The following COL9A1 variants were observed in gnomAD, a reference collection of about 807,000 sequenced individuals.
COL9A1 encodes the protein collagen alpha-1(IX) chain.
Under a neutral mutation model 142.6 loss-of-function variants are expected in COL9A1, and 104 were observed. That is an observed-to-expected ratio of 0.73 (90% CI 0.62 to 0.86). The LOEUF is 0.86. Ranked by LOEUF, COL9A1 falls within the 40% of genes least tolerant of loss-of-function variation. The pLI, the probability that COL9A1 is intolerant of heterozygous loss-of-function variation, is 0.00. For synonymous variants in COL9A1, 466 were observed against 396.0 expected (o/e 1.18, Z -2.10); for missense variants, 1,210 against 1,176.6 (o/e 1.03, Z -0.42).
intron 10 of COL9A1, among the ~76,000 whole-genome samples, chr6:70,276,881 C>A (rs1772797646): frequency 6.6e-6 from 1 of 152,216 alleles, no homozygotes; most frequent in Non-Finnish European, 1.5e-5. Flanking sequence ...GTTCTAGACG[C>A]TGTTCCTCAT....
intron 18 of COL9A1, 70 bp from the exon 19 acceptor site, chr6:70,263,367 TG>T (rs780312938): frequency 4.7e-5 from 65 of 1,369,036 alleles, no homozygotes; most frequent in Non-Finnish European, 6.0e-5. Flanking sequence ...GAAATAGGCT[TG>T]GTCTAACTCA....
chr6:70,254,510 C>T lies in COL9A1; in HGVS notation c.1685G>A (p.Gly562Glu). ...CTGCAATCCTGCATCACCAGGAGGC[C>T]CAGGTTTTCCTGGTTCACCCTGCAA... ...PGTKGEPGKP[G>E]PPGDAGLQGL... The change falls in exon 25 of 38, where the codon GGG (glycine) becomes GAG (glutamate). Residue 562 changes from glycine (G) to glutamate (E), a missense_variant. Coordinates refer to ENST00000357250, the MANE Select transcript of COL9A1 (RefSeq NM_001851.6). 1 of 1,613,982 alleles carries T rather than the reference C, an allele frequency of 6.2e-7. No homozygotes were observed. The highest frequency in any genetic ancestry group is 8.5e-7 in the Non-Finnish European group (1 of 1,179,976).
intron 14 of COL9A1, 49 bp from the exon 15 acceptor site, chr6:70,270,416 A>T (rs374919664): frequency 1.2e-5 from 18 of 1,552,964 alleles, no homozygotes; most frequent in Admixed American, 1.7e-5. Context: ...GTGTCAAAAC[A>T]CAGTACATAA....
chr6:70,254,797 T>C, intron 24 of COL9A1, 166 bp downstream of exon 24: 1 of 745,322 alleles, frequency 1.3e-6, no homozygotes, highest in Non-Finnish European at 2.3e-6. Context: ...ATTATACTAT[T>C]CTAGTAAGTA....
chr6:70,289,435 T>A (rs1252232198), intron 5 of COL9A1, among the ~76,000 whole-genome samples: 1 of 152,170 alleles, frequency 6.6e-6, no homozygotes, highest in African/African-American at 2.4e-5. Context: ...AATCATGGCT[T>A]CTGCTGTGTC....
chr6:70,294,380 A>T lies in COL9A1; in HGVS notation c.483T>A (p.Asp161Glu). 1.9e-6 allele frequency: 3 copies of T among 1,614,114 alleles called. No individual in the cohort carries two copies. The highest frequency in any genetic ancestry group is 2.5e-6 in the Non-Finnish European group (3 of 1,179,976). Residue 161 changes from aspartate (D) to glutamate (E), a missense_variant, in exon 5 of 38, where the codon GAT (aspartate) becomes GAA (glutamate). Transcript: ENST00000357250. Reference sequence around the variant, plus strand: ...AAAAGGCTGCTGTTTGGAGACTTCCATCCAGTCCCTTGTATGAAAATACAA... The same window carrying T: ...AAAAGGCTGCTGTTTGGAGACTTCCTTCCAGTCCCTTGTATGAAAATACAA... ...QSVVFSYKGL[D>E]GSLQTAAFSN...
At chr6:70,278,457 A>C (rs1772909495) in intron 10 of COL9A1, among the ~76,000 whole-genome samples, 1 of 152,250 alleles carries the variant, frequency 6.6e-6, no homozygotes, top group Non-Finnish European at 1.5e-5. Flanking sequence ...GTTGGTTAAA[A>C]GAAATGTTTG....
intron 28 of COL9A1, among the ~76,000 whole-genome samples, chr6:70,247,260 A>C (rs987167161): frequency 1.3e-5 from 2 of 152,244 alleles, no homozygotes; most frequent in Non-Finnish European, 2.9e-5. Flanking sequence ...TTTTGTAAAA[A>C]TTATTTCCAT....
At position 70,294,493 on chromosome 6, in the gene COL9A1, G is replaced by A; in HGVS notation, c.370C>T (p.Leu124Phe). 1 of 1,614,082 alleles carries A rather than the reference G, an allele frequency of 6.2e-7. No homozygotes were observed. Among genetic ancestry groups the A allele is most frequent in the South Asian group, 1.1e-5 (1 of 91,082 alleles). The change falls in exon 5 of 38, where the codon CTC (leucine) becomes TTC (phenylalanine). Residue 124 changes from leucine (L) to phenylalanine (F), a missense_variant. Coordinates refer to ENST00000357250, the MANE Select transcript of COL9A1 (RefSeq NM_001851.6). ...TGCCAAATGTTCCAGTTCTTTTTGA[G>A]AGTGCTTCCAGTCATTCGAAACGTC... Reference protein sequence around the residue: ...LTTFRMTGSTLKKNWNIWQIQ... With the variant: ...LTTFRMTGSTFKKNWNIWQIQ...
At position 70,281,390 on chromosome 6, in the gene COL9A1, G is replaced by GTCGATGCCA; in HGVS notation, c.867_875dup (p.Ile291_Gly293dup). 6.2e-7 allele frequency: 1 copy of GTCGATGCCA among 1,613,176 alleles called. No individual in the cohort carries two copies. The highest frequency in any genetic ancestry group is 8.5e-7 in the Non-Finnish European group (1 of 1,179,550). On this transcript the variant is annotated inframe_insertion and splice_region_variant, in exon 8 of 38. Transcript: ENST00000357250. Reference sequence around the variant, plus strand: ...AGGTGGCCTGGAGATAGAAACTTACGTCGATGCCATCGATGCCTGGAACTC... The same window carrying GTCGATGCCA: ...AGGTGGCCTGGAGATAGAAACTTACGTCGATGCCATCGATGCCATCGATGCCTGGAACTC...
chr6:70,297,463 T>C (rs1021297956), intron 4 of COL9A1, among the ~76,000 whole-genome samples: 17 of 152,234 alleles, frequency 1.1e-4, no homozygotes, highest in Non-Finnish European at 2.4e-4. Flanking sequence ...TAATAAAATA[T>C]ATATGTAGTT....
chr6:70,255,892 T>A (rs992404826), intron 21 of COL9A1, among the ~76,000 whole-genome samples: 2 of 152,258 alleles, frequency 1.3e-5, no homozygotes, highest in African/African-American at 4.8e-5. Context: ...AATATAGCTT[T>A]TGTTGAGTTG....
chr6:70,239,123 A>C, intron 33 of COL9A1, 131 bp downstream of exon 33: 1 of 659,778 alleles, frequency 1.5e-6, no homozygotes, highest in East Asian at 2.9e-5. Context: ...TGGGCGACAG[A>C]GTGAGACTCC....
chr6:70,294,459 T>A lies in COL9A1; in HGVS notation c.404A>T (p.Asp135Val). The A allele has an allele frequency of 1.2e-6, 2 of 1,614,138 alleles. No individual in the cohort carries two copies. The highest frequency in any genetic ancestry group is 1.7e-6 in the Non-Finnish European group (2 of 1,179,992). The change falls in exon 5 of 38, where the codon GAT (aspartate) becomes GTT (valine). Residue 135 changes from aspartate to valine, a missense_variant. By Grantham distance (152) the Asp-to-Val change is radical. Transcript: ENST00000357250. The part of the protein sequence containing the change: ...KKNWNIWQIQ[D>V]SSGKEQVGIK... Reference sequence around the variant, plus strand: ...GCCAACTTGCTCCTTCCCAGAGGAATCCTGAATCTGCCAAATGTTCCAGTT... The same window carrying A: ...GCCAACTTGCTCCTTCCCAGAGGAAACCTGAATCTGCCAAATGTTCCAGTT...
intron 10 of COL9A1, chr6:70,279,457 T>G (rs1165000487): frequency 6.6e-6 from 1 of 152,076 alleles, no homozygotes; most frequent in African/African-American, 2.4e-5. Context: ...TAAAATACTA[T>G]GGGTGAAACC....
chr6:70,231,679 C>T (rs1176907188), intron 36 of COL9A1, among the ~76,000 whole-genome samples: 1 of 151,216 alleles, frequency 6.6e-6, no homozygotes, highest in African/African-American at 2.4e-5. Context: ...CCATTCATAC[C>T]ACAGTATTTA....
At chr6:70,248,825 C>A (rs943094702) in intron 28 of COL9A1, among the ~76,000 whole-genome samples, 23 of 152,282 alleles carry the variant, frequency 1.5e-4, no homozygotes, top group African/African-American at 5.5e-4. Context: ...TGACTGGCAC[C>A]TTCTGCAGTT....
intron 30 of COL9A1, 74 bp downstream of exon 30, chr6:70,241,890 G>T: frequency 7.3e-7 from 1 of 1,361,472 alleles, no homozygotes; most frequent in Non-Finnish European, 1.0e-6. Flanking sequence ...AGGGCCAAAA[G>T]CAAGCTTTGT....
At chr6:70,272,037 T>C (rs1241559566) in intron 13 of COL9A1, 28 bp downstream of exon 13, 2 of 1,606,030 alleles carry the variant, frequency 1.2e-6, no homozygotes, top group African/African-American at 2.7e-5. Context: ...ATAGACTGCA[T>C]AAAAATAAAT....
Sources: gnomAD v4.1 joint callset for allele counts (sites outside exome capture counted in the v4.1 genomes callset) on GRCh38, gnomAD v4.1.1 for gene constraint, MANE v1.5 for transcripts, NCBI Gene and HGNC (gene_info 2026-07-23, HGNC 2026-07-21) for gene names.